SHPRH: variants seen among roughly 807,000 people sequenced by gnomAD.
The protein encoded by SHPRH is E3 ubiquitin-protein ligase SHPRH.
A neutral mutation model predicts 202.5 loss-of-function variants in SHPRH; 106 were observed. The observed-to-expected ratio is 0.52, with a 90% confidence interval of 0.45 to 0.62. The LOEUF is 0.62. Among genes scored for constraint, SHPRH ranks in the 20% least tolerant of loss-of-function variants. The pLI, the probability that SHPRH is intolerant of heterozygous loss-of-function variation, is 0.00. For missense variants in SHPRH, 1,710 were observed against 2,020.0 expected, an observed-to-expected ratio of 0.85 and a Z score of 2.94; for synonymous variants, 729 against 686.0, an observed-to-expected ratio of 1.06 and a Z score of -0.98.
downstream of SHPRH, among the ~76,000 whole-genome samples, chr6:145,861,586 A>G (rs1235289749): frequency 6.6e-6 from 1 of 152,214 alleles, no homozygotes; most frequent in Non-Finnish European, 1.5e-5. Context: ...CAGCAATCCC[A>G]CTTCTGGGTA....
rs762813607 is a variant in SHPRH, at chr6:145,941,827, C to T, written c.2286G>A (p.Leu762=). 5 of 1,613,432 alleles carry T rather than the reference C, an allele frequency of 3.1e-6. No homozygotes were observed. In the African/African-American group the frequency reaches 5.3e-5, roughly 17 times the overall value. Residue 762 remains leucine (L), a synonymous_variant, in exon 10 of 30, where the codon TTG becomes TTA. Transcript: ENST00000275233. ...TAATGATAACTATATCCTGTTCTGC[C>T]AAAAAATGAGGTTGTAAAAAGCCAT... ...KKDGFLQPHF[L]AEQDIVIITY...
intron 18 of SHPRH, 40 bp from the exon 19 acceptor site, chr6:145,922,876 G>A (rs12214668): frequency 0.1 from 150,094 of 1,480,036 alleles, 8,001 homozygotes; most frequent in Middle Eastern, 0.14. Context: ...ACAAAGAAAA[G>A]AATAATAGGT....
intron 23 of SHPRH, 37 bp from the exon 24 acceptor site, chr6:145,913,586 T>C: frequency 6.5e-7 from 1 of 1,539,004 alleles, no homozygotes; most frequent in Non-Finnish European, 8.9e-7. Context: ...ATTAGTTACG[T>C]TTTTACATAT....
intron 11 of SHPRH, among the ~76,000 whole-genome samples, chr6:145,936,932 C>T (rs1368364290): frequency 6.6e-6 from 1 of 151,100 alleles, no homozygotes; most frequent in East Asian, 1.9e-4. Context: ...TCAAACTCAA[C>T]TTGCCGAAAT....
At chr6:145,898,317 C>T (rs1461694500) in intron 25 of SHPRH, among the ~76,000 whole-genome samples, 1 of 151,908 alleles carries the variant, frequency 6.6e-6, no homozygotes, top group Non-Finnish European at 1.5e-5. Context: ...AACTATGAAA[C>T]ATTAATAAAA....
rs138704686 is a variant in SHPRH, at chr6:145,890,339, T to A, written c.4875-2239A>T. ...CACAAAATCCCATTTTCTCCAAAAC[T>A]AAAGTCAGGCTGTCACCTCTACCAC... On this transcript the variant is annotated intron_variant, in intron 28 of 29. Transcript: ENST00000275233. Among the ~76,000 whole-genome samples, 197 of 152,332 alleles carry A rather than the reference T, an allele frequency of 1.3e-3. 3 individuals carry two copies. The East Asian group carries it at 0.024, about 19-fold the overall frequency.
chr6:145,920,861 T>C (rs1188191964), intron 21 of SHPRH, among the ~76,000 whole-genome samples: 2 of 152,080 alleles, frequency 1.3e-5, no homozygotes, highest in Non-Finnish European at 2.9e-5. Context: ...TCTAATTTCA[T>C]ATAATAGCAG....
Position 145,955,218 on chromosome 6 carries a change from G to A in SHPRH, c.105C>T (p.Ile35=). ...AGGGCTGCTCGTCATCATCACTTAT[G>A]ATGATAGGTTCATTCCTTCTGTCCT... The part of the protein sequence containing the change: ...MHEDRRNEPI[I]ISDDDEQPCP... Residue 35 remains isoleucine, a synonymous_variant, in exon 2 of 30, where the codon ATC becomes ATT. Coordinates refer to ENST00000275233, the MANE Select transcript of SHPRH (RefSeq NM_001042683.3). 1.2e-6 allele frequency: 2 copies of A among 1,613,656 alleles called. No individual in the cohort carries two copies. Among genetic ancestry groups the A allele is most frequent in the Non-Finnish European group, 1.7e-6 (2 of 1,179,940 alleles).
chr6:145,912,932 T>A (rs1315191876), intron 24 of SHPRH, among the ~76,000 whole-genome samples: 2 of 152,132 alleles, frequency 1.3e-5, no homozygotes, highest in African/African-American at 4.8e-5. Flanking sequence ...AGAATATGGT[T>A]CTACCATGTT....
the SHPRH span, among the ~76,000 whole-genome samples, chr6:145,858,309 C>T: frequency 3.4e-4 from 51 of 152,080 alleles, no homozygotes; most frequent in African/African-American, 1.2e-3. Flanking sequence ...CTGAAAAGAA[C>T]ATAAACATCA....
At chr6:145,882,786 T>A (rs1049492524), downstream of SHPRH, among the ~76,000 whole-genome samples, 6 of 152,294 alleles carry the variant, frequency 3.9e-5, no homozygotes, top group Middle Eastern at 3.4e-3. Flanking sequence ...AATTAAATAG[T>A]CTTGGCAGAA....
At chr6:145,928,154 T>C (rs1554236526) in intron 14 of SHPRH, among the ~76,000 whole-genome samples, 1 of 152,032 alleles carries the variant, frequency 6.6e-6, no homozygotes, top group Non-Finnish European at 1.5e-5. Context: ...GCTGCTGTTG[T>C]ACTACAACAG....
downstream of SHPRH, among the ~76,000 whole-genome samples, chr6:145,863,462 C>A (rs1779648062): frequency 6.6e-6 from 1 of 152,146 alleles, no homozygotes; most frequent in South Asian, 2.1e-4. Flanking sequence ...CTTCAACAAA[C>A]AACTATTTTA....
chr6:145,915,359 C>T (rs1171503380), intron 23 of SHPRH, among the ~76,000 whole-genome samples: 3 of 151,616 alleles, frequency 2.0e-5, no homozygotes, highest in Admixed American at 1.3e-4. Context: ...GCATATTTAT[C>T]TACATATTTA....
intron 25 of SHPRH, chr6:145,904,880 G>A (rs1453456510): frequency 6.6e-6 from 1 of 152,182 alleles, no homozygotes; most frequent in Non-Finnish European, 1.5e-5. Context: ...AAGACAGCGA[G>A]AAGTGAGAGC....
intron 2 of SHPRH, among the ~76,000 whole-genome samples, chr6:145,866,460 T>C (rs1779787020): frequency 6.6e-6 from 1 of 152,210 alleles, no homozygotes; most frequent in African/African-American, 2.4e-5. Flanking sequence ...GGGTTGAAAA[T>C]GTGTCTTATC....
chr6:145,859,205 T>C, the SHPRH span, among the ~76,000 whole-genome samples: 1 of 152,074 alleles, frequency 6.6e-6, no homozygotes, highest in Non-Finnish European at 1.5e-5. Context: ...ATCCCAATTT[T>C]AAATTGAGTA....
At chr6:145,867,631 T>TATAGAC (rs1554220329) in intron 2 of SHPRH, among the ~76,000 whole-genome samples, 1 of 22,316 alleles carries the variant, frequency 4.5e-5, no homozygotes, top group Non-Finnish European at 7.5e-5. Flanking sequence ...TATATATATA[T>TATAGAC]AGAGAGAGAG....
At chr6:145,869,819 CTTTT>C (rs71028375) in intron 2 of SHPRH, among the ~76,000 whole-genome samples, 4 of 134,600 alleles carry the variant, frequency 3.0e-5, no homozygotes, top group South Asian at 2.3e-4. Context: ...TTTTTCTTTT[CTTTT>C]TTTTTTTTTT....
Sources: allele counts gnomAD v4.1 joint callset (sites outside exome capture counted in the v4.1 genomes callset), GRCh38; gene constraint gnomAD v4.1.1; transcripts MANE v1.5; gene names NCBI Gene and HGNC (gene_info 2026-07-23, HGNC 2026-07-21).